Variants in GYPB observed in about 807,000 individuals in gnomAD.
GYPB encodes glycophorin-B.
In GYPB, 13 loss-of-function variants were observed where a neutral mutation model predicts 15.3. The ratio of observed to expected loss-of-function variants is 0.85; its 90% CI spans 0.55 to 1.35. The LOEUF (loss-of-function observed/expected upper bound fraction) is 1.35, where lower values mean the gene tolerates loss of function less well. GYPB is among the 40% of genes most tolerant of loss of function. The pLI is 0.00. For synonymous variants in GYPB, 38 were observed against 36.9 expected, an observed-to-expected ratio of 1.03 and a Z score of -0.11; for missense variants, 131 against 108.3, an observed-to-expected ratio of 1.21 and a Z score of -0.93.
chr4:144,011,834 T>A (rs1728236515), intron 1 of GYPB, among the ~76,000 whole-genome samples: 1 of 151,382 alleles, frequency 6.6e-6, no homozygotes, highest in African/African-American at 2.5e-5. Context: ...AGTCTGAATC[T>A]AGCAGAATAG....
chr4:144,004,991 G>C (rs1211285458), intron 1 of GYPB, among the ~76,000 whole-genome samples: 1 of 152,008 alleles, frequency 6.6e-6, no homozygotes, highest in African/African-American at 2.4e-5. Flanking sequence ...TTAGGGACTG[G>C]ATTAAGGGAA....
chr4:144,008,708 T>C (rs1487602544), intron 1 of GYPB, among the ~76,000 whole-genome samples: 2 of 151,526 alleles, frequency 1.3e-5, no homozygotes, highest in Non-Finnish European at 2.9e-5. Flanking sequence ...ATAATTTCAA[T>C]TGAAAAGAAA....
At chr4:143,999,526 G>A in intron 2 of GYPB, 77 bp from the exon 3 acceptor site, 1 of 757,214 alleles carries the variant, frequency 1.3e-6, no homozygotes, top group South Asian at 1.6e-5. Context: ...GAATCAAACT[G>A]TTCTGCGGGT....
chr4:143,995,817 G>A (rs943793170), downstream of GYPB, among the ~76,000 whole-genome samples: 5 of 151,390 alleles, frequency 3.3e-5, no homozygotes, highest in African/African-American at 1.2e-4. Context: ...GGATCTCACA[G>A]TATGATAAAC....
intron 1 of GYPB, chr4:144,016,720 C>T (rs11935427): frequency 0.054 from 19,655 of 366,990 alleles, 2,489 homozygotes; most frequent in African/African-American, 0.29. Flanking sequence ...TGATATAGTA[C>T]TGTATTTTCA....
intron 1 of GYPB, among the ~76,000 whole-genome samples, chr4:144,006,229 A>G (rs1421888580): frequency 2.0e-5 from 3 of 151,940 alleles, no homozygotes; most frequent in Non-Finnish European, 2.9e-5. Flanking sequence ...CTTTCTAGAA[A>G]ATGAAATATT....
chr4:144,000,407 C>T (rs1256167744), intron 2 of GYPB: 1 of 1,121,372 alleles, frequency 8.9e-7, no homozygotes, highest in Admixed American at 3.4e-5. Flanking sequence ...GGAGGGGAAA[C>T]AGTTGTAACA....
chr4:143,995,404 G>A (rs1455186520), downstream of GYPB, among the ~76,000 whole-genome samples: 1 of 151,322 alleles, frequency 6.6e-6, no homozygotes, highest in African/African-American at 2.5e-5. Flanking sequence ...TGGGAGAAAA[G>A]AGACCTCAGA....
Position 143,996,117 on chromosome 4 carries a change from T to C in GYPB, c.*182A>G. ...ATAATACATGAAAACGGTTTGTATTTTGTTTTATTTTTATTTAGAAGTAGA... is the reference window on the plus strand; with the variant it reads ...ATAATACATGAAAACGGTTTGTATTCTGTTTTATTTTTATTTAGAAGTAGA... On this transcript the variant is annotated 3_prime_UTR_variant, in exon 5 of 5. Coordinates refer to ENST00000502664, the MANE Select transcript of GYPB (RefSeq NM_002100.6). 7.1e-7 allele frequency: 1 copy of C among 1,415,306 alleles called. No individual in the cohort carries two copies. The highest frequency in any genetic ancestry group is 1.5e-5 in the South Asian group (1 of 65,622). 87.7% of individuals were successfully genotyped at this position (1,415,306 alleles called of 1,614,324 possible).
intron 1 of GYPB, among the ~76,000 whole-genome samples, chr4:144,001,793 A>T (rs1035945736): frequency 1.1e-4 from 16 of 151,094 alleles, no homozygotes; most frequent in African/African-American, 4.0e-4. Context: ...ACAGAACAAA[A>T]GTTCTGTCCC....
At chr4:144,011,329 G>C (rs370483810) in intron 1 of GYPB, among the ~76,000 whole-genome samples, 1 of 151,322 alleles carries the variant, frequency 6.6e-6, no homozygotes, top group Non-Finnish European at 1.5e-5. Flanking sequence ...GCAGTGAGCC[G>C]AGATCGTGCC....
chr4:143,998,026 A>G (rs1560703527), intron 3 of GYPB, among the ~76,000 whole-genome samples: 1 of 151,526 alleles, frequency 6.6e-6, no homozygotes, highest in Non-Finnish European at 1.5e-5. Flanking sequence ...GTCTTAACAT[A>G]TAAAAGAGCA....
intron 1 of GYPB, among the ~76,000 whole-genome samples, chr4:144,011,193 A>C: frequency 6.6e-6 from 1 of 151,182 alleles, no homozygotes; most frequent in East Asian, 1.9e-4. Context: ...CAGCCTGGGC[A>C]ACACGGTGAA....
intron 4 of GYPB, among the ~76,000 whole-genome samples, chr4:143,996,653 C>A (rs1340597600): frequency 1.3e-5 from 2 of 150,218 alleles, no homozygotes; most frequent in East Asian, 3.9e-4. Context: ...ACCTGTAGTC[C>A]CAATTACTGT....
downstream of GYPB, among the ~76,000 whole-genome samples, chr4:143,995,320 A>G (rs1727271121): frequency 6.6e-6 from 1 of 151,412 alleles, no homozygotes; most frequent in African/African-American, 2.5e-5. Context: ...CAGATTTGTG[A>G]CAATCTCTTA....
At chr4:144,017,540 T>A (rs1186895416) in intron 1 of GYPB, among the ~76,000 whole-genome samples, 1 of 150,984 alleles carries the variant, frequency 6.6e-6, no homozygotes, top group South Asian at 2.1e-4. Context: ...TTCAGGGTCA[T>A]CTTGCCCCAG....
Position 144,017,608 on chromosome 4 carries a change from T to C in GYPB, c.37+1643A>G, listed in dbSNP as rs576589428. On this transcript the variant is annotated intron_variant, in intron 1 of 4. Coordinates refer to ENST00000502664, the MANE Select transcript of GYPB (RefSeq NM_002100.6). ...AATTCACTATCTGCTTGTGTAGTTG[T>C]AGAAATTTAAAAAAAAAATCATTTC... Among the ~76,000 whole-genome samples the C allele has an allele frequency of 4.6e-4, 70 of 151,112 alleles. 1 individual carries two copies. Among genetic ancestry groups the C allele is most frequent in the South Asian group, 2.1e-3 (10 of 4,816 alleles).
chr4:144,004,077 T>C (rs1182738709), intron 1 of GYPB, among the ~76,000 whole-genome samples: 1 of 151,626 alleles, frequency 6.6e-6, no homozygotes. Flanking sequence ...CAAAAACTGG[T>C]TGGTGGCCAA....
intron 1 of GYPB, among the ~76,000 whole-genome samples, chr4:144,009,618 T>C (rs1229660887): frequency 8.7e-6 from 1 of 114,316 alleles, no homozygotes; most frequent in African/African-American, 3.6e-5. Flanking sequence ...TTTTTTTTTT[T>C]TTTTTTTTTT....
Sources: allele counts gnomAD v4.1 joint callset (sites outside exome capture counted in the v4.1 genomes callset), GRCh38; gene constraint gnomAD v4.1.1; transcripts MANE v1.5; gene names NCBI Gene and HGNC (gene_info 2026-07-23, HGNC 2026-07-21).